MAML3: variants seen among roughly 807,000 people sequenced by gnomAD.
MAML3 encodes mastermind like transcriptional coactivator 3, also known as mastermind-like protein 3.
In MAML3, 27 loss-of-function variants were observed where a neutral mutation model predicts 101.9. The ratio of observed to expected loss-of-function variants is 0.27; its 90% CI spans 0.20 to 0.37. MAML3 has a LOEUF of 0.37. Ranked by LOEUF, MAML3 falls within the 10% of genes least tolerant of loss-of-function variation. The probability of loss-of-function intolerance (pLI) is 1.00; values close to 1 mark genes in which losing one functional copy is unlikely to be tolerated. For missense variants in MAML3, 1,316 were observed against 1,444.9 expected (o/e 0.91, Z 1.45); for synonymous variants, 501 against 555.9 (o/e 0.90, Z 1.39).
intron 1 of MAML3, among the ~76,000 whole-genome samples, chr4:140,148,260 C>G (rs1361659179): frequency 1.3e-5 from 2 of 152,188 alleles, no homozygotes; most frequent in African/African-American, 4.8e-5. Flanking sequence ...TGGGAAGGAA[C>G]TCAGCTTGAA....
intron 2 of MAML3, among the ~76,000 whole-genome samples, chr4:139,865,421 A>G (rs1051772396): frequency 6.6e-6 from 1 of 151,340 alleles, no homozygotes; most frequent in Non-Finnish European, 1.5e-5. Flanking sequence ...CTCCAAAACC[A>G]TCCTTCTTTT....
intron 2 of MAML3, among the ~76,000 whole-genome samples, chr4:139,804,207 T>C (rs1730664767): frequency 6.6e-6 from 1 of 152,036 alleles, no homozygotes. Context: ...AATTCAGCTA[T>C]AGACTCTTCC....
intron 1 of MAML3, among the ~76,000 whole-genome samples, chr4:139,928,780 G>A (rs960528053): frequency 3.9e-5 from 6 of 152,182 alleles, no homozygotes; most frequent in African/African-American, 1.4e-4. Context: ...CTGGTGGGCC[G>A]TTGAGAGCCC....
At chr4:140,151,530 G>T (rs1215411311) in intron 1 of MAML3, among the ~76,000 whole-genome samples, 1 of 152,168 alleles carries the variant, frequency 6.6e-6, no homozygotes, top group Non-Finnish European at 1.5e-5. Context: ...GACCGGGAAC[G>T]TGTGCGATTT....
intron 2 of MAML3, among the ~76,000 whole-genome samples, chr4:139,869,844 T>C (rs952653634): frequency 4.3e-4 from 66 of 152,234 alleles, no homozygotes; most frequent in Admixed American, 3.5e-3. Flanking sequence ...GAAAAAAATA[T>C]GAGATCAGAA....
chr4:139,738,088 A>G (rs1241628888), intron 2 of MAML3, among the ~76,000 whole-genome samples: 1 of 147,746 alleles, frequency 6.8e-6, no homozygotes, highest in East Asian at 1.9e-4. Flanking sequence ...CTGGGTAGAA[A>G]CTCAGCTCCA....
intron 1 of MAML3, among the ~76,000 whole-genome samples, chr4:139,895,578 A>G (rs749322403): frequency 6.6e-5 from 10 of 152,214 alleles, no homozygotes; most frequent in Admixed American, 2.6e-4. Flanking sequence ...ACCATTTTCA[A>G]AATTCAGTGA....
At chr4:139,926,485 A>T (rs2111240444) in intron 1 of MAML3, among the ~76,000 whole-genome samples, 1 of 152,322 alleles carries the variant, frequency 6.6e-6, no homozygotes, top group African/African-American at 2.4e-5. Context: ...CTGTAGTCCC[A>T]GCTACTCGGG....
chr4:139,983,578 A>G (rs1204991063), intron 1 of MAML3, among the ~76,000 whole-genome samples: 2 of 152,232 alleles, frequency 1.3e-5, no homozygotes, highest in Non-Finnish European at 2.9e-5. Context: ...AATCCAAAAA[A>G]TATCCGAAAC....
At chr4:140,082,607 G>C (rs902632373) in intron 1 of MAML3, among the ~76,000 whole-genome samples, 3 of 152,190 alleles carry the variant, frequency 2.0e-5, no homozygotes, top group Middle Eastern at 3.4e-3. Flanking sequence ...TACAGCTCCC[G>C]ACCTCACAGG....
rs775829260 is a variant in MAML3 at position 140,074,110 on chromosome 4, G to A, written c.468+78750C>T. On this transcript the variant is annotated intron_variant, in intron 1 of 4. Coordinates refer to ENST00000509479, the MANE Select transcript of MAML3 (RefSeq NM_018717.5). ...TTGTGCCACTGCACTCCAGCCTGGC[G>A]AGAGAGTGAGACTTCGAAAAAGAAA... is the stretch of plus-strand genomic sequence containing the variant. Among the ~76,000 whole-genome samples, 196 of 151,174 alleles carry A rather than the reference G, an allele frequency of 1.3e-3. 1 individual carries two copies. The highest frequency in any genetic ancestry group is 6.8e-3 in the Middle Eastern group (2 of 294).
rs1218593273 is a variant in MAML3 at position 139,884,039 on chromosome 4, T to TCCCCA, written c.2079+5317_2079+5318insTGGGG. Among the ~76,000 whole-genome samples, 20 of 151,858 alleles carry TCCCCA rather than the reference T, an allele frequency of 1.3e-4. No homozygotes were observed. In the South Asian group the frequency reaches 4.0e-3, roughly 30 times the overall value. On this transcript the variant is annotated intron_variant, in intron 2 of 4. Transcript: ENST00000509479. ...TGGGATTACAGGCACCTGCCACCAC[T>TCCCCA]CCCATATAATTTTTTTGTATTTTTA...
In MAML3 at chr4:139,788,472, A is replaced by G. The variant is rs573884527; in HGVS notation, c.2080-57805T>C. 6.6e-5 allele frequency among the ~76,000 whole-genome samples: 10 copies of G among 152,280 alleles called. No individual in the cohort carries two copies. The East Asian group carries it at 7.7e-4, about 12-fold the overall frequency. On this transcript the variant is annotated intron_variant, in intron 2 of 4. Coordinates refer to ENST00000509479, the MANE Select transcript of MAML3 (RefSeq NM_018717.5). ...AGTTCTTTTCTCCTCGCTGTCTCCAATCTCTTTCTCTATATATCCTGAAGA... is the reference window on the plus strand; with the variant it reads ...AGTTCTTTTCTCCTCGCTGTCTCCAGTCTCTTTCTCTATATATCCTGAAGA...
At chr4:139,791,131 TAATAA>T (rs1469289816) in intron 2 of MAML3, among the ~76,000 whole-genome samples, 1 of 152,236 alleles carries the variant, frequency 6.6e-6, no homozygotes, top group Non-Finnish European at 1.5e-5. Context: ...AAAAGTTTTA[TAATAA>T]TGGAAACTTA....
At chr4:139,984,152 T>C (rs756745231) in intron 1 of MAML3, among the ~76,000 whole-genome samples, 34 of 151,768 alleles carry the variant, frequency 2.2e-4, no homozygotes, top group Non-Finnish European at 4.3e-4. Flanking sequence ...GGCACTGGAG[T>C]AGTGGGCTAC....
intron 1 of MAML3, among the ~76,000 whole-genome samples, chr4:139,942,733 T>G (rs1021583816): frequency 6.6e-6 from 1 of 152,182 alleles, no homozygotes; most frequent in East Asian, 1.9e-4. Context: ...GTATATTTCT[T>G]ATGTGTAAAC....
chr4:139,801,208 T>C (rs901424016), intron 2 of MAML3, among the ~76,000 whole-genome samples: 1 of 152,244 alleles, frequency 6.6e-6, no homozygotes, highest in South Asian at 2.1e-4. Flanking sequence ...TTGCCTGACA[T>C]GGCCCCCAAA....
At chr4:140,054,368 C>CAAAA (rs1344234590) in intron 1 of MAML3, among the ~76,000 whole-genome samples, 1 of 69,022 alleles carries the variant, frequency 1.4e-5, no homozygotes, top group Non-Finnish European at 2.9e-5. Flanking sequence ...GACTCCGTCT[C>CAAAA]AAAAAAAAAA....
At chr4:139,723,540 G>A (rs566609737) in intron 4 of MAML3, among the ~76,000 whole-genome samples, 49 of 152,240 alleles carry the variant, frequency 3.2e-4, no homozygotes, top group African/African-American at 1.1e-3. Context: ...TCGAACTCCC[G>A]ACCTCAGGTG....
Sources: allele counts gnomAD v4.1 joint callset (sites outside exome capture counted in the v4.1 genomes callset), GRCh38; gene constraint gnomAD v4.1.1; transcripts MANE v1.5; gene names NCBI Gene and HGNC (gene_info 2026-07-23, HGNC 2026-07-21).